The following SLC25A53 variants were observed in gnomAD, a reference collection of about 807,000 sequenced individuals.
SLC25A53 encodes the protein solute carrier family 25 member 53, also known as mitochondrial carrier triple repeat protein 6.
SLC25A53 carries 5 observed loss-of-function variants against 15.0 expected under a neutral mutation model. That is an observed-to-expected ratio of 0.33 (90% CI 0.17 to 0.70). The LOEUF (loss-of-function observed/expected upper bound fraction) is 0.70. SLC25A53 is among the 30% of genes least tolerant of loss of function. The pLI is 0.67. For missense variants in SLC25A53, 216 were observed against 241.6 expected, an observed-to-expected ratio of 0.89 and a Z score of 0.70; for synonymous variants, 95 against 100.0, an observed-to-expected ratio of 0.95 and a Z score of 0.30.
chrX:104,102,171 A>C lies in SLC25A53; in HGVS notation c.*2163T>G, dbSNP rs192675432. The C allele has an allele frequency of 1.8e-5, 2 of 112,223 alleles. No homozygotes were observed. The highest frequency in any genetic ancestry group is 6.5e-5 in the African/African-American group (2 of 30,884). 9.2% of individuals were successfully genotyped at this position (112,223 alleles called of 1,213,427 possible). A position where few individuals can be genotyped will look rare whatever the true frequency, so the allele number is the denominator to read the frequency against. ...TCATACCTCCAACAACCATGTCTTT[A>C]ATTTCTGTGGCATTCAGTGAGAAGT... On this transcript the variant is annotated 3_prime_UTR_variant, in exon 2 of 2. Coordinates refer to ENST00000594199, the MANE Select transcript of SLC25A53 (RefSeq NM_001012755.5).
intron 1 of SLC25A53, among the ~76,000 whole-genome samples, chrX:104,129,856 A>ATGTGTGTGTG (rs1396046247): frequency 9.9e-5 from 5 of 50,418 alleles, no homozygotes; most frequent in African/African-American, 3.1e-4. Context: ...ATCCACACAA[A>ATGTGTGTGTG]TGTATGTGTG....
At position 104,103,837 on chromosome X, in the gene SLC25A53, G is replaced by A. The variant is rs781817870; in HGVS notation, c.*497C>T. On this transcript the variant is annotated 3_prime_UTR_variant, in exon 2 of 2. Transcript: ENST00000594199. ...AAAGTAGGACCCACAGCCTTGAGAA[G>A]TGAGAGGTGGTGGTAGAGGCAGTGA... is the stretch of plus-strand genomic sequence containing the variant. 1.7e-5 allele frequency: 2 copies of A among 114,469 alleles called. No homozygotes were observed. The highest frequency in any genetic ancestry group is 5.5e-4 in the East Asian group (2 of 3,651). The allele number at this position is 114,469 out of a possible 1,213,427, so 9.4% of individuals were successfully genotyped here. A position where few individuals can be genotyped will look rare whatever the true frequency, so the allele number is the denominator to read the frequency against.
intron 1 of SLC25A53, among the ~76,000 whole-genome samples, chrX:104,152,629 G>A (rs891070646): frequency 1.8e-5 from 2 of 110,961 alleles, no homozygotes; most frequent in Non-Finnish European, 3.8e-5. Context: ...GTAGAGACAG[G>A]GTTTCACCAT....
chrX:104,152,423 C>G lies in SLC25A53; in HGVS notation c.-32+4455G>C, dbSNP rs1394350904. ...GACATGAACTCATCATTTTTTATGGCTGCATAGTATTCCATGGTGTATATG... is the reference window on the plus strand; with the variant it reads ...GACATGAACTCATCATTTTTTATGGGTGCATAGTATTCCATGGTGTATATG... On this transcript the variant is annotated intron_variant, in intron 1 of 1. Transcript: ENST00000594199. 3.6e-5 allele frequency among the ~76,000 whole-genome samples: 4 copies of G among 109,613 alleles called. No individual in the cohort carries two copies. In the East Asian group the frequency reaches 1.2e-3, roughly 32 times the overall value.
Position 104,104,404 on chromosome X carries a change from C to A in SLC25A53, c.854G>T (p.Gly285Val). Residue 285 changes from glycine (G) to valine (V), a missense_variant, in exon 2 of 2, where the codon GGC becomes GTC. Physicochemically the swap from Gly to Val is moderately radical, Grantham distance 109. Coordinates refer to ENST00000594199, the MANE Select transcript of SLC25A53 (RefSeq NM_001012755.5). ...GAAGTCATGGATTGCCGTAGTGAGG[C>A]CCCATGTCACACTGGACCTTAGGAT... ...LVILRSSVTWGLTTAIHDFLQ... is the reference protein window; with the variant it reads ...LVILRSSVTWVLTTAIHDFLQ... 1.7e-6 allele frequency: 2 copies of A among 1,211,658 alleles called. No individual in the cohort carries two copies. The highest frequency in any genetic ancestry group is 2.2e-6 in the Non-Finnish European group (2 of 895,331).
Position 104,103,472 on chromosome X carries a change from T to C in SLC25A53, c.*862A>G, listed in dbSNP as rs2075290536. ...GAATGACAGGCTAAGATTTCTGATC[T>C]TTATGTCATAGTAACTACATTTAAC... On this transcript the variant is annotated 3_prime_UTR_variant, in exon 2 of 2. Transcript: ENST00000594199. The C allele has an allele frequency of 8.9e-6, 1 of 111,840 alleles. No homozygotes were observed. The highest frequency in any genetic ancestry group is 2.8e-4 in the East Asian group (1 of 3,562). The allele number at this position is 111,840 out of a possible 1,213,427, so 9.2% of individuals were successfully genotyped here.
At chrX:104,118,624 CA>C (rs1432935159) in intron 1 of SLC25A53, among the ~76,000 whole-genome samples, 2 of 112,451 alleles carry the variant, frequency 1.8e-5, no homozygotes, top group African/African-American at 6.5e-5. Context: ...ACACATATTT[CA>C]GATGATGAAA....
At chrX:104,146,402 A>G (rs1425762382) in intron 1 of SLC25A53, among the ~76,000 whole-genome samples, 2 of 111,946 alleles carry the variant, frequency 1.8e-5, no homozygotes, top group East Asian at 5.6e-4. Context: ...GCACAAGACA[A>G]GGATGCCCTC....
chrX:104,142,797 T>C (rs1218196764), intron 1 of SLC25A53, among the ~76,000 whole-genome samples: 2 of 108,377 alleles, frequency 1.8e-5, no homozygotes, highest in Admixed American at 1.0e-4. Context: ...GGCAGGCGCC[T>C]GTAGTCCCAG....
Position 104,104,531 on chromosome X carries a change from T to C in SLC25A53, c.727A>G (p.Ile243Val). The C allele has an allele frequency of 1.7e-6, 2 of 1,211,723 alleles. No homozygotes were observed. Among genetic ancestry groups the C allele is most frequent in the Non-Finnish European group, 2.2e-6 (2 of 895,491 alleles). The change falls in exon 2 of 2, where the codon ATT becomes GTT. Residue 243 changes from isoleucine (I) to valine (V), a missense_variant. Physicochemically the swap from Ile to Val is conservative, Grantham distance 29 (BLOSUM62 3). Transcript: ENST00000594199. ...IVLVANMQSHIGWQNMPSLWA... is the reference protein window; with the variant it reads ...IVLVANMQSHVGWQNMPSLWA... ...AGGCTTGGCATGTTCTGCCATCCAA[T>C]ATGGGACTGCATATTAGCAACCAGC...
chrX:104,150,459 G>A (rs1387905549), intron 1 of SLC25A53, among the ~76,000 whole-genome samples: 4 of 110,937 alleles, frequency 3.6e-5, no homozygotes, highest in Non-Finnish European at 7.5e-5. Context: ...GTGTTCTCCC[G>A]ATGAACATAA....
chrX:104,130,142 T>C (rs4354447), intron 1 of SLC25A53, among the ~76,000 whole-genome samples: 5,126 of 110,767 alleles, frequency 0.046, 266 homozygotes, highest in African/African-American at 0.16. Flanking sequence ...CCACCACCAA[T>C]CCAACTGACC....
intron 1 of SLC25A53, chrX:104,131,155 T>G (rs1455655969): frequency 8.9e-6 from 1 of 111,933 alleles, no homozygotes; most frequent in African/African-American, 3.3e-5. Context: ...GTGCGTTCTC[T>G]CTCCATGTTG....
Position 104,114,877 on chromosome X carries a change from A to G in SLC25A53, c.-31-9589T>C. ...ATTTCAGGGCGCCCAGCCAATAGCA[A>G]TCAGCAGTGCTGACTGTAACTGCAA... On this transcript the variant is annotated intron_variant, in intron 1 of 1. Transcript: ENST00000594199. The G allele has an allele frequency of 2.5e-6, 3 of 1,206,564 alleles. No individual in the cohort carries two copies. In the South Asian group the frequency reaches 5.3e-5, roughly 22 times the overall value.
At chrX:104,130,401 C>T (rs188690566) in intron 1 of SLC25A53, among the ~76,000 whole-genome samples, 7 of 111,485 alleles carry the variant, frequency 6.3e-5, no homozygotes, top group African/African-American at 2.3e-4. Context: ...GTGTGGATTC[C>T]AATCACTTAA....
intron 1 of SLC25A53, among the ~76,000 whole-genome samples, chrX:104,155,771 C>T (rs1316406947): frequency 9.0e-6 from 1 of 111,153 alleles, no homozygotes; most frequent in African/African-American, 3.3e-5. Flanking sequence ...GGACCGGGCG[C>T]GGTGGCTCAT....
chrX:104,152,788 C>T (rs2075488964), intron 1 of SLC25A53, among the ~76,000 whole-genome samples: 1 of 111,952 alleles, frequency 8.9e-6, no homozygotes, highest in Admixed American at 9.5e-5. Context: ...TAGCACCTTG[C>T]TGGCCCCTAC....
At chrX:104,112,837 G>A (rs113476708) in intron 1 of SLC25A53, 1 of 112,624 alleles carries the variant, frequency 8.9e-6, no homozygotes, top group Non-Finnish European at 1.9e-5. Flanking sequence ...GGCGCGGAGA[G>A]GGGTGGGGGA....
intron 1 of SLC25A53, among the ~76,000 whole-genome samples, chrX:104,155,718 T>C (rs1171140249): frequency 1.8e-5 from 2 of 110,626 alleles, no homozygotes; most frequent in Non-Finnish European, 3.8e-5. Context: ...GGAAGTCCCA[T>C]TGTGATGGGC....
Sources: gnomAD v4.1 joint callset for allele counts (sites outside exome capture counted in the v4.1 genomes callset) on GRCh38, gnomAD v4.1.1 for gene constraint, MANE v1.5 for transcripts, NCBI Gene and HGNC (gene_info 2026-07-23, HGNC 2026-07-21) for gene names.